The following AIPL1 variants were observed in gnomAD, a reference collection of about 807,000 sequenced individuals.
AIPL1 encodes the protein AIP like 1 HSP90 co-chaperone, also known as aryl-hydrocarbon-interacting protein-like 1.
A neutral mutation model predicts 32.9 loss-of-function variants in AIPL1; 23 were observed. The ratio of observed to expected loss-of-function variants is 0.70; its 90% confidence interval spans 0.50 to 0.99. The LOEUF (loss-of-function observed/expected upper bound fraction) is 0.99. Among genes scored for constraint, AIPL1 ranks in the 50% least tolerant of loss-of-function variants. The pLI, the probability that AIPL1 is intolerant of heterozygous loss-of-function variation, is 0.00. For missense variants in AIPL1, 485 were observed against 506.0 expected, an observed-to-expected ratio of 0.96 and a Z score of 0.40; for synonymous variants, 210 against 209.4, an observed-to-expected ratio of 1.00 and a Z score of -0.02.
At chr17:6,432,137 C>T (rs1446897658) in intron 2 of AIPL1, among the ~76,000 whole-genome samples, 1 of 152,170 alleles carries the variant, frequency 6.6e-6, no homozygotes, top group Admixed American at 6.5e-5. Flanking sequence ...GTAATCCCAG[C>T]ACTTTAGGAG....
In AIPL1 at chr17:6,425,575, G is replaced by T; in HGVS notation, c.1040C>A (p.Ser347Tyr). ...GGGTGGCTCTGCAGGTGGCTCTGTG[G>T]ATGACTGTGCGGGTGGCTCTGTGGG... Reference protein sequence around the residue: ...EPPTEPPAQSSTEPPAEPPTA... With the variant: ...EPPTEPPAQSYTEPPAEPPTA... Residue 347 changes from serine (S) to tyrosine (Y), a missense_variant, in exon 6 of 6, where the codon TCC (serine) becomes TAC (tyrosine). By Grantham distance (144) the Ser-to-Tyr change is moderately radical. Coordinates refer to ENST00000381129, the MANE Select transcript of AIPL1 (RefSeq NM_014336.5). 8 of 1,613,210 alleles carry T rather than the reference G, an allele frequency of 5.0e-6. No homozygotes were observed. The highest frequency in any genetic ancestry group is 1.3e-5 in the African/African-American group (1 of 74,940).
chr17:6,426,722 T>C lies in AIPL1; in HGVS notation c.677A>G (p.Glu226Gly). 1 of 1,614,076 alleles carries C rather than the reference T, an allele frequency of 6.2e-7. No individual in the cohort carries two copies. Among genetic ancestry groups the C allele is most frequent in the Non-Finnish European group, 8.5e-7 (1 of 1,179,962 alleles). Reference sequence around the variant, plus strand: ...GAGGATCAGAGTATTGATCATCTTCTCCAGCTTCAGCCACTGCACCTCCCA... The same window carrying C: ...GAGGATCAGAGTATTGATCATCTTCCCCAGCTTCAGCCACTGCACCTCCCA... The part of the protein sequence containing the change: ...KPWEVQWLKL[E>G]KMINTLILNY... The change falls in exon 5 of 6, where the codon GAG (glutamate) becomes GGG (glycine). Residue 226 changes from glutamate to glycine, a missense_variant. By Grantham distance (98) the Glu-to-Gly change is moderately conservative. Transcript: ENST00000381129.
intron 2 of AIPL1, among the ~76,000 whole-genome samples, chr17:6,430,902 A>G (rs1912540534): frequency 6.6e-6 from 1 of 152,240 alleles, no homozygotes; most frequent in African/African-American, 2.4e-5. Flanking sequence ...GACTGCTACA[A>G]AGGAAAGATG....
At chr17:6,429,572 C>T (rs1050243039) in intron 2 of AIPL1, among the ~76,000 whole-genome samples, 1 of 152,234 alleles carries the variant, frequency 6.6e-6, no homozygotes, top group Non-Finnish European at 1.5e-5. Context: ...CAGCAGCCCC[C>T]AGCTCGGCAC....
At chr17:6,434,881 C>G in intron 1 of AIPL1, 128 bp downstream of exon 1, 1 of 1,509,430 alleles carries the variant, frequency 6.6e-7, no homozygotes, top group Non-Finnish European at 8.9e-7. Context: ...TCCCCGGAGG[C>G]CCAGCGCTGG....
chr17:6,425,632 C>A lies in AIPL1; in HGVS notation c.983G>T (p.Ser328Ile). The A allele has an allele frequency of 6.2e-7, 1 of 1,612,908 alleles. No homozygotes were observed. The highest frequency in any genetic ancestry group is 8.5e-7 in the Non-Finnish European group (1 of 1,179,908). The change falls in exon 6 of 6, where the codon AGC (serine) becomes ATC (isoleucine). Residue 328 changes from serine (S) to isoleucine (I), a missense_variant. Physicochemically the swap from Ser to Ile is moderately radical, Grantham distance 142. Coordinates refer to ENST00000381129, the MANE Select transcript of AIPL1 (RefSeq NM_014336.5). ...TGCGGGAGGCTGCGTGGCACCCTGG[C>A]TCAGCATGTTCCGGCAGCGCAGCCG... The part of the protein sequence containing the change: ...EERLRCRNML[S>I]QGATQPPAEP...
chr17:6,434,919 C>G lies in AIPL1; in HGVS notation c.96+90G>C. ...CTGCCTGGCTGTTTTTTTGGCACAGCTGAAAGCTGTTTACAGTGCCTTGGG... is the reference window on the plus strand; with the variant it reads ...CTGCCTGGCTGTTTTTTTGGCACAGGTGAAAGCTGTTTACAGTGCCTTGGG... On this transcript the variant is annotated intron_variant, in intron 1 of 5. Coordinates refer to ENST00000381129, the MANE Select transcript of AIPL1 (RefSeq NM_014336.5). The G allele has an allele frequency of 3.1e-6, 5 of 1,592,700 alleles. No individual in the cohort carries two copies. The South Asian group carries it at 3.4e-5, about 11-fold the overall frequency.
chr17:6,426,009 G>A (rs1233242727), intron 5 of AIPL1, 179 bp from the exon 6 acceptor site: 2 of 1,029,962 alleles, frequency 1.9e-6, no homozygotes, highest in Non-Finnish European at 2.7e-6. Context: ...CATAATAGCA[G>A]TACCTCCTCC....
rs1485097401 is a variant in AIPL1 at position 6,428,356 on chromosome 17, CCTT to C, written c.424_426del (p.Lys142del). On this transcript the variant is annotated inframe_deletion, in exon 3 of 6. Transcript: ENST00000381129. ...ATCACAAAGACCAGAGGCTGAGGCTCCTTCTGCAGCTCGTCCAGGTCCTCGTAG... is the reference window on the plus strand; with the variant it reads ...ATCACAAAGACCAGAGGCTGAGGCTCCTGCAGCTCGTCCAGGTCCTCGTAG... 1.9e-6 allele frequency: 3 copies of C among 1,611,544 alleles called. No individual in the cohort carries two copies. The highest frequency in any genetic ancestry group is 2.5e-6 in the Non-Finnish European group (3 of 1,180,054).
chr17:6,432,156 G>A (rs933803928), intron 2 of AIPL1, among the ~76,000 whole-genome samples: 11 of 152,096 alleles, frequency 7.2e-5, no homozygotes, highest in Non-Finnish European at 1.3e-4. Flanking sequence ...AGGCAGAGGC[G>A]GGCGGATCAC....
intron 5 of AIPL1, chr17:6,426,395 A>G (rs1010774696): frequency 2.9e-5 from 41 of 1,425,672 alleles, no homozygotes; most frequent in Non-Finnish European, 3.6e-5. Context: ...CTTCCTGGGT[A>G]AGTGTTCAAA....
chr17:6,425,366 A>C lies in AIPL1; in HGVS notation c.*94T>G. ...ACTTTGATTTCAAAAATTAATTTTA[A>C]ATTTTAAAAAGTGACACCACGATCC... is the stretch of plus-strand genomic sequence containing the variant. On this transcript the variant is annotated 3_prime_UTR_variant, in exon 6 of 6. Coordinates refer to ENST00000381129, the MANE Select transcript of AIPL1 (RefSeq NM_014336.5). 7.0e-7 allele frequency: 1 copy of C among 1,427,484 alleles called. No individual in the cohort carries two copies. The highest frequency in any genetic ancestry group is 9.2e-7 in the Non-Finnish European group (1 of 1,081,498). The allele number at this position is 1,427,484 out of a possible 1,614,324, so 88.4% of individuals were successfully genotyped here.
At chr17:6,429,175 G>A (rs796066903) in intron 2 of AIPL1, among the ~76,000 whole-genome samples, 5 of 152,338 alleles carry the variant, frequency 3.3e-5, no homozygotes, top group African/African-American at 9.6e-5. Context: ...CCCTTGGGAT[G>A]AAGGAGGGCT....
rs1911782972 is a variant in AIPL1 at position 6,425,245 on chromosome 17, GAATGAGAGGGGTAGAGGA to G, written c.*197_*214del. 2.0e-6 allele frequency: 1 copy of G among 506,206 alleles called. No individual in the cohort carries two copies. The highest frequency in any genetic ancestry group is 1.9e-5 in the African/African-American group (1 of 51,606). 31.4% of individuals were successfully genotyped at this position (506,206 alleles called of 1,614,324 possible). On this transcript the variant is annotated 3_prime_UTR_variant, in exon 6 of 6. Coordinates refer to ENST00000381129, the MANE Select transcript of AIPL1 (RefSeq NM_014336.5). ...GTCAATTAAAACCATGGCACGGAAG[GAATGAGAGGGGTAGAGGA>G]GAAAACTACTTTTATTCATAAGCTC...
At chr17:6,430,047 GTGT>G (rs1912424211) in intron 2 of AIPL1, among the ~76,000 whole-genome samples, 2 of 11,326 alleles carry the variant, frequency 1.8e-4, no homozygotes, top group African/African-American at 4.1e-4. Context: ...TAGAAGGGGT[GTGT>G]GTGTGTGTGT....
intron 2 of AIPL1, among the ~76,000 whole-genome samples, chr17:6,429,309 C>A (rs145836846): frequency 1.3e-5 from 2 of 152,194 alleles, no homozygotes; most frequent in Non-Finnish European, 2.9e-5. Flanking sequence ...CAGCACTGGC[C>A]CCACATGCAA....
intron 5 of AIPL1, 76 bp from the exon 6 acceptor site, chr17:6,425,906 C>T (rs1911902788): frequency 3.9e-6 from 6 of 1,541,444 alleles, no homozygotes; most frequent in Admixed American, 1.8e-5. Context: ...CTGGGACTCA[C>T]CAGCCTCCAA....
Position 6,425,338 on chromosome 17 carries a change from C to CTTTTTTTTTTTT in AIPL1, c.*121_*122insAAAAAAAAAAAA. 9.0e-7 allele frequency: 1 copy of CTTTTTTTTTTTT among 1,110,410 alleles called. No homozygotes were observed. Among genetic ancestry groups the CTTTTTTTTTTTT allele is most frequent in the East Asian group, 2.6e-5 (1 of 37,854 alleles). 68.8% of individuals were successfully genotyped at this position (1,110,410 alleles called of 1,614,324 possible). A position where few individuals can be genotyped will look rare whatever the true frequency, so the allele number is the denominator to read the frequency against. ...TTTTTTTTTTTTACCATGGGTGTGT[C>CTTTTTTTTTTTT]TGACTTTGATTTCAAAAATTAATTT... On this transcript the variant is annotated 3_prime_UTR_variant, in exon 6 of 6. Coordinates refer to ENST00000381129, the MANE Select transcript of AIPL1 (RefSeq NM_014336.5).
chr17:6,425,348 T>A lies in AIPL1; in HGVS notation c.*112A>T, dbSNP rs953523528. 8 of 1,368,372 alleles carry A rather than the reference T, an allele frequency of 5.8e-6. No individual in the cohort carries two copies. Among genetic ancestry groups the A allele is most frequent in the African/African-American group, 4.4e-5 (3 of 68,604 alleles). 84.8% of individuals were successfully genotyped at this position (1,368,372 alleles called of 1,614,324 possible). A position where few individuals can be genotyped will look rare whatever the true frequency, so the allele number is the denominator to read the frequency against. Reference sequence around the variant, plus strand: ...TTACCATGGGTGTGTCTGACTTTGATTTCAAAAATTAATTTTAAATTTTAA... The same window carrying A: ...TTACCATGGGTGTGTCTGACTTTGAATTCAAAAATTAATTTTAAATTTTAA... On this transcript the variant is annotated 3_prime_UTR_variant, in exon 6 of 6. Transcript: ENST00000381129.
Sources: allele counts gnomAD v4.1 joint callset (sites outside exome capture counted in the v4.1 genomes callset), GRCh38; gene constraint gnomAD v4.1.1; transcripts MANE v1.5; gene names NCBI Gene and HGNC (gene_info 2026-07-23, HGNC 2026-07-21).